CALCOCO1: variants seen among roughly 807,000 people sequenced by gnomAD.
CALCOCO1 encodes the protein calcium binding and coiled-coil domain 1.
CALCOCO1 carries 44 observed loss-of-function variants against 86.3 expected under a neutral mutation model. The ratio of observed to expected loss-of-function variants is 0.51; its 90% CI spans 0.40 to 0.66. CALCOCO1 has a LOEUF of 0.66. Among genes scored for constraint, CALCOCO1 ranks in the 30% least tolerant of loss-of-function variants. The pLI is 0.00. For synonymous variants in CALCOCO1, 297 were observed against 327.6 expected (o/e 0.91, Z 1.01); for missense variants, 708 against 851.1 (o/e 0.83, Z 2.09).
chr12:53,721,800 C>A, intron 5 of CALCOCO1, 185 bp from the exon 6 acceptor site: 1 of 810,422 alleles, frequency 1.2e-6, no homozygotes, highest in Non-Finnish European at 2.0e-6. Context: ...CTCCACCTTA[C>A]CCCAGCATTC....
chr12:53,715,454 T>G (rs1945698852), intron 9 of CALCOCO1, 129 bp from the exon 10 acceptor site: 1 of 1,272,804 alleles, frequency 7.9e-7, no homozygotes, highest in African/African-American at 1.5e-5. Flanking sequence ...CACTTTCCCC[T>G]TTTTGCCTTC....
In CALCOCO1 at chr12:53,713,767, GACA is replaced by G; in HGVS notation, c.1722_1724del (p.Val575del). 3 of 1,607,362 alleles carry G rather than the reference GACA, an allele frequency of 1.9e-6. No individual in the cohort carries two copies. The highest frequency in any genetic ancestry group is 2.5e-6 in the Non-Finnish European group (3 of 1,176,806). ...GAGAAATGGGAGCCGGCTGGCTGATGACAACAAGGGGAGAAGCCTCTCGAGGCC... is the reference window on the plus strand; with the variant it reads ...GAGAAATGGGAGCCGGCTGGCTGATGACAAGGGGAGAAGCCTCTCGAGGCC... On this transcript the variant is annotated inframe_deletion, in exon 13 of 15. Transcript: ENST00000550804.
At position 53,715,266 on chromosome 12, in the gene CALCOCO1, A is replaced by T; in HGVS notation, c.1320T>A (p.Val440=). 1 of 1,614,086 alleles carries T rather than the reference A, an allele frequency of 6.2e-7. No individual in the cohort carries two copies. The highest frequency in any genetic ancestry group is 8.5e-7 in the Non-Finnish European group (1 of 1,180,014). ...CTTGGTTTTGGGTCCTCTCCTCCTG[A>T]ACTGCCTTCTCCAATCGAAGTATCT... ...SAEILRLEKA[V]QEERTQNQVF... Residue 440 remains valine (V), a synonymous_variant, in exon 10 of 15, where the codon GTT becomes GTA. Coordinates refer to ENST00000550804, the MANE Select transcript of CALCOCO1 (RefSeq NM_020898.3).
chr12:53,721,421 G>A (rs1411982647), intron 6 of CALCOCO1, 46 bp downstream of exon 6: 2 of 1,535,530 alleles, frequency 1.3e-6, no homozygotes, highest in South Asian at 1.3e-5. Flanking sequence ...GAGTGCGGGG[G>A]TCATGGAAGG....
In CALCOCO1 at chr12:53,723,600, A is replaced by G; in HGVS notation, c.443T>C (p.Val148Ala). The stretch of plus-strand genomic sequence containing the variant: ...CTGTTGCTCTTTTCTCACCTGTAAC[A>G]CAGTTGCCTTGGGGACAACCAGCAG... ...DILLVVPKAT[V>A]LQNQLDESQQ... The change falls in exon 4 of 15, where the codon GTG becomes GCG. Residue 148 changes from valine to alanine, a missense_variant. Transcript: ENST00000550804. 1.2e-6 allele frequency: 2 copies of G among 1,614,110 alleles called. No homozygotes were observed. The highest frequency in any genetic ancestry group is 1.7e-6 in the Non-Finnish European group (2 of 1,180,004).
intron 7 of CALCOCO1, among the ~76,000 whole-genome samples, chr12:53,717,762 C>T (rs1286673439): frequency 6.6e-6 from 1 of 152,194 alleles, no homozygotes; most frequent in Non-Finnish European, 1.5e-5. Context: ...TGGCTCATGC[C>T]TGCAATCTCG....
chr12:53,725,017 C>A (rs150619212), intron 2 of CALCOCO1, 70 bp downstream of exon 2: 54 of 1,453,264 alleles, frequency 3.7e-5, no homozygotes, highest in Admixed American at 9.1e-5. Flanking sequence ...AATCCAAGAG[C>A]CCAATCATTC....
intron 1 of CALCOCO1, among the ~76,000 whole-genome samples, chr12:53,727,182 G>A (rs1387956228): frequency 2.6e-5 from 4 of 152,124 alleles, no homozygotes; most frequent in African/African-American, 9.7e-5. Context: ...TGAGAAGAAG[G>A]AGAGGACGAC....
rs1026009289 is a variant in CALCOCO1 at position 53,715,066 on chromosome 12, C to G, written c.1386+134G>C. On this transcript the variant is annotated intron_variant, in intron 10 of 14. Transcript: ENST00000550804. ...CACATTTCAAACCAATGAGGGCTTG[C>G]GTGTGCAAGTGAAATGCCACCCAAC... 5 of 1,070,944 alleles carry G rather than the reference C, an allele frequency of 4.7e-6. No individual in the cohort carries two copies. The East Asian group carries it at 1.3e-4, about 27-fold the overall frequency. The allele number at this position is 1,070,944 out of a possible 1,614,324, so 66.3% of individuals were successfully genotyped here. A position where few individuals can be genotyped will look rare whatever the true frequency, so the allele number is the denominator to read the frequency against.
chr12:53,711,407 G>C lies in CALCOCO1; in HGVS notation c.*537C>G, dbSNP rs1388688544. The C allele has an allele frequency of 2.6e-6, 1 of 387,240 alleles. No homozygotes were observed. The highest frequency in any genetic ancestry group is 4.6e-6 in the Non-Finnish European group (1 of 219,648). 24.0% of individuals were successfully genotyped at this position (387,240 alleles called of 1,614,324 possible). ...GCTAGGGTGGGGCACAGAAGTCAAT[G>C]GGGGAACAGAAAGAGGAACCAATGA... On this transcript the variant is annotated 3_prime_UTR_variant, in exon 15 of 15. Coordinates refer to ENST00000550804, the MANE Select transcript of CALCOCO1 (RefSeq NM_020898.3).
Position 53,714,650 on chromosome 12 carries a change from G to A in CALCOCO1, c.1430C>T (p.Ser477Leu), listed in dbSNP as rs762566335. The change falls in exon 11 of 15, where the codon TCA (serine) becomes TTA (leucine). Residue 477 changes from serine (S) to leucine (L), a missense_variant. Transcript: ENST00000550804. ...TTCCTTCTGGAGCACACGCAGGGCT[G>A]ACCGCAGCTCTGTCAGCTCCCGCTT... ...ESKRELTELR[S>L]ALRVLQKEKE... is the part of the protein sequence containing the mutation. 19 of 1,614,088 alleles carry A rather than the reference G, an allele frequency of 1.2e-5. No homozygotes were observed. The highest frequency in any genetic ancestry group is 1.6e-5 in the Non-Finnish European group (19 of 1,179,996).
chr12:53,724,587 T>G (rs761209499), intron 3 of CALCOCO1, 58 bp downstream of exon 3: 38 of 1,312,764 alleles, frequency 2.9e-5, no homozygotes, highest in Non-Finnish European at 3.9e-5. Context: ...CCCACTACCT[T>G]CTTTCAAACC....
chr12:53,722,957 A>AG lies in CALCOCO1; in HGVS notation c.450+635_450+636insC, dbSNP rs1399029056. 38 of 389,682 alleles carry AG rather than the reference A, an allele frequency of 9.8e-5. No individual in the cohort carries two copies. In the East Asian group the frequency reaches 1.3e-3, roughly 13 times the overall value. 24.1% of individuals were successfully genotyped at this position (389,682 alleles called of 1,614,324 possible). ...CAAGGCTGTCTCAAAAAAAAAAAAA[A>AG]AAAAGAAAAGAAAAGAAAAGAAAAA... On this transcript the variant is annotated intron_variant, in intron 4 of 14. Transcript: ENST00000550804.
At chr12:53,714,774 C>A (rs960023236) in intron 10 of CALCOCO1, 81 bp from the exon 11 acceptor site, 1 of 987,684 alleles carries the variant, frequency 1.0e-6, no homozygotes, top group African/African-American at 1.6e-5. Flanking sequence ...GACCAACAAT[C>A]TAGAACCAGG....
At position 53,713,213 on chromosome 12, in the gene CALCOCO1, G is replaced by T; in HGVS notation, c.1792-7C>A. 6.2e-7 allele frequency: 1 copy of T among 1,612,326 alleles called. No individual in the cohort carries two copies. ...ACTTCTCATCTTCAGCCTCCTGGAT[G>T]CCAAAGAGACAGGGTTGGGCTTTGG... On this transcript the variant is annotated splice_polypyrimidine_tract_variant and splice_region_variant and intron_variant, in intron 13 of 14. Coordinates refer to ENST00000550804, the MANE Select transcript of CALCOCO1 (RefSeq NM_020898.3).
At position 53,715,910 on chromosome 12, in the gene CALCOCO1, G is replaced by C; in HGVS notation, c.1143C>G (p.His381Gln). 1 of 1,614,204 alleles carries C rather than the reference G, an allele frequency of 6.2e-7. No homozygotes were observed. Among genetic ancestry groups the C allele is most frequent in the East Asian group, 2.2e-5 (1 of 44,876 alleles). Reference protein sequence around the residue: ...AARDRTIAELHRSRLEVAEVN... With the variant: ...AARDRTIAELQRSRLEVAEVN... ...CTTCAGCCACTTCCAGGCGGCTGCGGTGTAGTTCGGCTATGGTGCGGTCCC... is the reference window on the plus strand; with the variant it reads ...CTTCAGCCACTTCCAGGCGGCTGCGCTGTAGTTCGGCTATGGTGCGGTCCC... The change falls in exon 9 of 15, where the codon CAC becomes CAG. Residue 381 changes from histidine (H) to glutamine (Q), a missense_variant. Coordinates refer to ENST00000550804, the MANE Select transcript of CALCOCO1 (RefSeq NM_020898.3).
At position 53,713,145 on chromosome 12, in the gene CALCOCO1, T is replaced by C. The variant is rs770335560; in HGVS notation, c.1853A>G (p.Asn618Ser). The C allele has an allele frequency of 6.2e-7, 1 of 1,614,126 alleles. No individual in the cohort carries two copies. The highest frequency in any genetic ancestry group is 2.2e-5 in the East Asian group (1 of 44,870). The change falls in exon 14 of 15, where the codon AAC becomes AGC. Residue 618 changes from asparagine to serine, a missense_variant. By Grantham distance (46) the Asn-to-Ser change is conservative. Coordinates refer to ENST00000550804, the MANE Select transcript of CALCOCO1 (RefSeq NM_020898.3). ...ACTGCCCAGTTCAGGAAGCAGTAAG[T>C]TGGCCTCCTCACCCCCACTCTGCAC... ...AAVQSGGEEANLLLPELGSAF... is the reference protein window; with the variant it reads ...AAVQSGGEEASLLLPELGSAF...
Position 53,713,681 on chromosome 12 carries a change from C to T in CALCOCO1, c.1791+20G>A. ...CCTGCCCCTCCTTACTGCTTCTGCA[C>T]AGGCTCCTCCACTGCTCACCGAGTC... is the stretch of plus-strand genomic sequence containing the variant. On this transcript the variant is annotated intron_variant, in intron 13 of 14. Transcript: ENST00000550804. 2 of 1,504,202 alleles carry T rather than the reference C, an allele frequency of 1.3e-6. No individual in the cohort carries two copies. Among genetic ancestry groups the T allele is most frequent in the South Asian group, 1.4e-5 (1 of 71,400 alleles). The allele number at this position is 1,504,202 out of a possible 1,614,324, so 93.2% of individuals were successfully genotyped here.
chr12:53,714,841 C>A (rs1945680543), intron 10 of CALCOCO1, 148 bp from the exon 11 acceptor site: 1 of 629,244 alleles, frequency 1.6e-6, no homozygotes, highest in Non-Finnish European at 2.8e-6. Context: ...GAATTCCCAA[C>A]ACTTCCTCCA....
Sources: gnomAD v4.1 joint callset for allele counts (sites outside exome capture counted in the v4.1 genomes callset) on GRCh38, gnomAD v4.1.1 for gene constraint, MANE v1.5 for transcripts, NCBI Gene and HGNC (gene_info 2026-07-23, HGNC 2026-07-21) for gene names.